NCK1: variants seen among roughly 807,000 people sequenced by gnomAD.
NCK1 encodes the protein SH2/SH3 adapter protein NCK1.
Under a neutral mutation model 36.6 loss-of-function variants are expected in NCK1, and 19 were observed. The ratio of observed to expected loss-of-function variants is 0.52; its 90% CI spans 0.36 to 0.76. NCK1 has a LOEUF of 0.76. Ranked by LOEUF, NCK1 falls within the 30% of genes least tolerant of loss-of-function variation. The probability of loss-of-function intolerance (pLI) is 0.00; values close to 1 mark genes in which losing one functional copy is unlikely to be tolerated. For synonymous variants in NCK1, 165 were observed against 156.0 expected (o/e 1.06, Z -0.43); for missense variants, 358 against 445.6 (o/e 0.80, Z 1.77).
chr3:136,942,570 A>G (rs1940706418), intron 2 of NCK1, among the ~76,000 whole-genome samples: 1 of 152,220 alleles, frequency 6.6e-6, no homozygotes, highest in African/African-American at 2.4e-5. Context: ...TAGTGATGCC[A>G]TTTATAATTC....
intron 1 of NCK1, among the ~76,000 whole-genome samples, chr3:136,910,224 A>G (rs1410235063): frequency 1.3e-5 from 2 of 152,114 alleles, no homozygotes. Context: ...TTCAGTAGCT[A>G]CTTTTTGTAG....
chr3:136,873,839 C>T (rs1407375039), intron 1 of NCK1, among the ~76,000 whole-genome samples: 4 of 152,190 alleles, frequency 2.6e-5, no homozygotes, highest in Admixed American at 6.5e-5. Context: ...ATGCCTTTCA[C>T]TATGCGCCAT....
At chr3:136,895,398 C>T (rs1939366336) in intron 1 of NCK1, among the ~76,000 whole-genome samples, 1 of 151,266 alleles carries the variant, frequency 6.6e-6, no homozygotes, top group Non-Finnish European at 1.5e-5. Flanking sequence ...ATTGCCATAC[C>T]ACCTTTTTTA....
rs1325505115 is a variant in NCK1, at chr3:136,949,978, T to G, written c.*1525T>G. On this transcript the variant is annotated 3_prime_UTR_variant, in exon 4 of 4. Coordinates refer to ENST00000481752, the MANE Select transcript of NCK1 (RefSeq NM_001291999.2). ...TATAATTAAGACAAATTTTCATCTCTATTACATCTGCTTTTAAAACATTTT... is the reference window on the plus strand; with the variant it reads ...TATAATTAAGACAAATTTTCATCTCGATTACATCTGCTTTTAAAACATTTT... Among the ~76,000 whole-genome samples the G allele has an allele frequency of 1.3e-5, 2 of 152,092 alleles. No individual in the cohort carries two copies. The highest frequency in any genetic ancestry group is 4.8e-5 in the African/African-American group (2 of 41,432).
intron 2 of NCK1, among the ~76,000 whole-genome samples, chr3:136,934,078 G>T (rs1477298784): frequency 1.3e-5 from 2 of 152,162 alleles, no homozygotes; most frequent in South Asian, 2.1e-4. Context: ...CACCATTGAT[G>T]GAGTTCCTGC....
chr3:136,873,858 G>A (rs1195478845), intron 1 of NCK1, among the ~76,000 whole-genome samples: 1 of 152,140 alleles, frequency 6.6e-6, no homozygotes. Context: ...ATGATTGTGA[G>A]GCCTCTCCAG....
At chr3:136,885,583 G>GT (rs1200234329) in intron 1 of NCK1, among the ~76,000 whole-genome samples, 4 of 152,156 alleles carry the variant, frequency 2.6e-5, no homozygotes, top group African/African-American at 7.2e-5. Flanking sequence ...GCAATTACAG[G>GT]TGTGAGCCAC....
intron 1 of NCK1, among the ~76,000 whole-genome samples, chr3:136,866,448 C>T (rs540976521): frequency 2.0e-5 from 3 of 152,002 alleles, no homozygotes; most frequent in South Asian, 2.1e-4. Flanking sequence ...GCTGGGACTA[C>T]AGGCATGCGC....
intron 1 of NCK1, among the ~76,000 whole-genome samples, chr3:136,869,083 T>TA (rs1443137179): frequency 6.9e-6 from 1 of 144,274 alleles, no homozygotes; most frequent in African/African-American, 2.6e-5. Context: ...ACTAAAGATA[T>TA]AAAAAAATGA....
chr3:136,931,030 G>T (rs187505639), intron 2 of NCK1, among the ~76,000 whole-genome samples: 1 of 150,810 alleles, frequency 6.6e-6, no homozygotes, highest in Admixed American at 6.6e-5. Flanking sequence ...GCGGAACAGT[G>T]TAAAGATAAT....
intron 1 of NCK1, among the ~76,000 whole-genome samples, chr3:136,891,509 T>C (rs1463807437): frequency 6.6e-6 from 1 of 152,226 alleles, no homozygotes; most frequent in Admixed American, 6.5e-5. Context: ...GGTGTACAAG[T>C]ATCTATTTGA....
chr3:136,907,039 C>T (rs1939705021), intron 1 of NCK1, among the ~76,000 whole-genome samples: 1 of 152,080 alleles, frequency 6.6e-6, no homozygotes, highest in South Asian at 2.1e-4. Flanking sequence ...AACAGCAGGG[C>T]TTGTGCTGTG....
At chr3:136,892,461 A>T (rs531328138) in intron 1 of NCK1, among the ~76,000 whole-genome samples, 1 of 152,228 alleles carries the variant, frequency 6.6e-6, no homozygotes, top group Non-Finnish European at 1.5e-5. Context: ...ATCAGAGGGA[A>T]TCAATTAGTC....
rs2108157649 is a variant in NCK1, at chr3:136,948,503, T to C, written c.*50T>C. The C allele has an allele frequency of 1.3e-6, 2 of 1,511,176 alleles. No individual in the cohort carries two copies. The highest frequency in any genetic ancestry group is 4.5e-5 in the East Asian group (2 of 44,076). The allele number at this position is 1,511,176 out of a possible 1,614,324, so 93.6% of individuals were successfully genotyped here. On this transcript the variant is annotated 3_prime_UTR_variant, in exon 4 of 4. Coordinates refer to ENST00000481752, the MANE Select transcript of NCK1 (RefSeq NM_001291999.2). Reference sequence around the variant, plus strand: ...GTGTAGCTGTAATTTGTCATGTAATTGAAGACTGAGAAAATGTTGGGTCCA... The same window carrying C: ...GTGTAGCTGTAATTTGTCATGTAATCGAAGACTGAGAAAATGTTGGGTCCA...
At position 136,948,243 on chromosome 3, in the gene NCK1, T is replaced by G; in HGVS notation, c.940-16T>G. 3 of 1,566,872 alleles carry G rather than the reference T, an allele frequency of 1.9e-6. No individual in the cohort carries two copies. Among genetic ancestry groups the G allele is most frequent in the Non-Finnish European group, 2.6e-6 (3 of 1,161,026 alleles). ...TTCAAAATGTTTACTATATGTATCT[T>G]TTTTTTCTCTTTTAGCCAAATGATT... On this transcript the variant is annotated splice_polypyrimidine_tract_variant and intron_variant, in intron 3 of 3. Coordinates refer to ENST00000481752, the MANE Select transcript of NCK1 (RefSeq NM_001291999.2).
chr3:136,896,717 T>G (rs1467042739), intron 1 of NCK1, among the ~76,000 whole-genome samples: 1 of 152,120 alleles, frequency 6.6e-6, no homozygotes, highest in Non-Finnish European at 1.5e-5. Context: ...CCCAAACTGG[T>G]CTCAAATTCC....
At chr3:136,894,799 A>C (rs1490100754) in intron 1 of NCK1, among the ~76,000 whole-genome samples, 1 of 152,030 alleles carries the variant, frequency 6.6e-6, no homozygotes, top group Non-Finnish European at 1.5e-5. Flanking sequence ...TGTGATCCTA[A>C]ATTTTGCTAG....
chr3:136,944,794 G>A (rs956469967), intron 2 of NCK1, among the ~76,000 whole-genome samples: 1 of 152,168 alleles, frequency 6.6e-6, no homozygotes, highest in Non-Finnish European at 1.5e-5. Context: ...AAAATCACAC[G>A]CTAAGAAATG....
chr3:136,867,859 A>G (rs1938494769), intron 1 of NCK1, among the ~76,000 whole-genome samples: 1 of 152,044 alleles, frequency 6.6e-6, no homozygotes, highest in Non-Finnish European at 1.5e-5. Flanking sequence ...CATTTTGTGT[A>G]TTTATGCCTT....
Sources: gnomAD v4.1 joint callset for allele counts (sites outside exome capture counted in the v4.1 genomes callset) on GRCh38, gnomAD v4.1.1 for gene constraint, MANE v1.5 for transcripts, NCBI Gene and HGNC (gene_info 2026-07-23, HGNC 2026-07-21) for gene names.